Variants in PSMD14 observed in about 807,000 individuals in gnomAD.
PSMD14 encodes ubiquitin C-terminal hydrolase PSMD14.
PSMD14 carries 7 observed loss-of-function variants against 41.2 expected under a neutral mutation model. The observed-to-expected ratio is 0.17, with a 90% CI of 0.10 to 0.32. The LOEUF (loss-of-function observed/expected upper bound fraction) is 0.32, where lower values mean the gene tolerates loss of function less well. Among genes scored for constraint, PSMD14 ranks in the 10% least tolerant of loss-of-function variants. The probability of loss-of-function intolerance (pLI) is 1.00; values close to 1 mark genes in which losing one functional copy is unlikely to be tolerated. For synonymous variants in PSMD14, 114 were observed against 122.3 expected, an observed-to-expected ratio of 0.93 and a Z score of 0.45; for missense variants, 139 against 375.6, an observed-to-expected ratio of 0.37 and a Z score of 5.21.
chr2:161,399,877 A>C (rs1187122407), intron 10 of PSMD14, among the ~76,000 whole-genome samples: 1 of 152,204 alleles, frequency 6.6e-6, no homozygotes, highest in Admixed American at 6.5e-5. Flanking sequence ...ATAAAATTTC[A>C]CAAAAACATA....
chr2:161,398,599 AATG>A (rs1474837796), intron 10 of PSMD14, among the ~76,000 whole-genome samples: 2 of 152,000 alleles, frequency 1.3e-5, no homozygotes, highest in African/African-American at 4.8e-5. Context: ...CAGGTGAAAA[AATG>A]AATTGTGAAG....
chr2:161,395,017 T>C, intron 9 of PSMD14, 61 bp from the exon 10 acceptor site: 2 of 1,387,478 alleles, frequency 1.4e-6, no homozygotes, highest in Non-Finnish European at 1.9e-6. Context: ...TTTTTTTCTC[T>C]AGACAATGAA....
intron 3 of PSMD14, among the ~76,000 whole-genome samples, chr2:161,343,965 T>A (rs773737955): frequency 6.6e-6 from 1 of 152,230 alleles, no homozygotes; most frequent in African/African-American, 2.4e-5. Flanking sequence ...CTTTTTCTTG[T>A]CATTATTCCC....
chr2:161,334,357 T>C (rs1188242191), intron 3 of PSMD14, among the ~76,000 whole-genome samples: 1 of 152,166 alleles, frequency 6.6e-6, no homozygotes, highest in Non-Finnish European at 1.5e-5. Context: ...TTAAAAATTA[T>C]GTAATTTTTT....
At chr2:161,407,907 G>A (rs1367876857) in intron 10 of PSMD14, 1 of 151,794 alleles carries the variant, frequency 6.6e-6, no homozygotes, top group Non-Finnish European at 1.5e-5. Flanking sequence ...ACAGAGTCTT[G>A]TCTTCAGGCC....
At position 161,393,971 on chromosome 2, in the gene PSMD14, A is replaced by ATTT. The variant is rs11452254; in HGVS notation, c.646-1087_646-1085dup. ...TGCTGGTGTGATTGCACACTAGATA[A>ATTT]TTTTTTTTTTTTTTTTTTTTTTGGA... On this transcript the variant is annotated intron_variant, in intron 9 of 11. Coordinates refer to ENST00000409682, the MANE Select transcript of PSMD14 (RefSeq NM_005805.6). Among the ~76,000 whole-genome samples the ATTT allele has an allele frequency of 3.2e-3, 324 of 100,850 alleles. 4 individuals are homozygous for ATTT. Among genetic ancestry groups the ATTT allele is most frequent in the Non-Finnish European group, 4.6e-3 (244 of 53,494 alleles). 66.2% of individuals were successfully genotyped at this position (100,850 alleles called of 152,430 possible).
chr2:161,409,497 T>C (rs935639616), intron 11 of PSMD14: 3 of 152,310 alleles, frequency 2.0e-5, no homozygotes, highest in African/African-American at 7.2e-5. Context: ...ATGGTTATCA[T>C]ATTGCTGATG....
At chr2:161,365,910 C>A (rs538524857) in intron 3 of PSMD14, among the ~76,000 whole-genome samples, 4 of 152,208 alleles carry the variant, frequency 2.6e-5, no homozygotes, top group Admixed American at 6.5e-5. Context: ...TAACTGAAAC[C>A]TTATTATTAT....
At chr2:161,345,457 G>A (rs1341976865) in intron 3 of PSMD14, among the ~76,000 whole-genome samples, 2 of 151,702 alleles carry the variant, frequency 1.3e-5, no homozygotes, top group African/African-American at 4.8e-5. Context: ...TGCCCAGGCT[G>A]GTCTCAAACT....
At chr2:161,402,784 A>G (rs922483991) in intron 10 of PSMD14, among the ~76,000 whole-genome samples, 5 of 152,254 alleles carry the variant, frequency 3.3e-5, no homozygotes, top group African/African-American at 1.2e-4. Context: ...ACTTGGATAG[A>G]AATTTCCCAG....
chr2:161,351,875 T>C (rs1449803267), intron 3 of PSMD14, among the ~76,000 whole-genome samples: 4 of 152,158 alleles, frequency 2.6e-5, no homozygotes, highest in Admixed American at 2.0e-4. Flanking sequence ...GGGTCACATG[T>C]TCATACCTAA....
At chr2:161,370,076 A>C in intron 5 of PSMD14, 31 bp from the exon 6 acceptor site, 1 of 1,488,788 alleles carries the variant, frequency 6.7e-7, no homozygotes, top group Non-Finnish European at 9.0e-7. Flanking sequence ...AATTTACAAA[A>C]ATTAATAATT....
intron 6 of PSMD14, 41 bp from the exon 7 acceptor site, chr2:161,371,130 AC>A: frequency 6.3e-7 from 1 of 1,587,048 alleles, no homozygotes; most frequent in Non-Finnish European, 8.6e-7. Flanking sequence ...TAAATGTATT[AC>A]TTGTTCTGTT....
chr2:161,389,313 A>C (rs111794669), intron 8 of PSMD14, among the ~76,000 whole-genome samples: 2 of 152,094 alleles, frequency 1.3e-5, no homozygotes, highest in African/African-American at 4.8e-5. Flanking sequence ...CTCAAGCTCC[A>C]CTCTCTACGC....
At chr2:161,377,081 A>T (rs1184523163) in intron 7 of PSMD14, among the ~76,000 whole-genome samples, 1 of 151,902 alleles carries the variant, frequency 6.6e-6, no homozygotes, top group Non-Finnish European at 1.5e-5. Flanking sequence ...GTAAAATTAG[A>T]GCTAGAGTTC....
rs190616630 is a variant in PSMD14, at chr2:161,402,575, A to G, written c.772-6262A>G. On this transcript the variant is annotated intron_variant, in intron 10 of 11. Transcript: ENST00000409682. ...AGGATCACCGAGGCCCAGGAGGTCA[A>G]GGCTGCAATGAACCGTGATCATACC... Among the ~76,000 whole-genome samples the G allele has an allele frequency of 3.5e-3, 536 of 152,296 alleles. 1 individual carries two copies. Among genetic ancestry groups the G allele is most frequent in the African/African-American group, 0.012 (512 of 41,560 alleles).
intron 3 of PSMD14, among the ~76,000 whole-genome samples, chr2:161,329,768 C>T (rs779168545): frequency 1.2e-4 from 19 of 152,122 alleles, no homozygotes; most frequent in African/African-American, 1.2e-4. Flanking sequence ...TCATTCTATT[C>T]ATATACTCTG....
chr2:161,352,956 G>C (rs1683140944), intron 3 of PSMD14, among the ~76,000 whole-genome samples: 1 of 152,116 alleles, frequency 6.6e-6, no homozygotes, highest in Admixed American at 6.5e-5. Context: ...CAGTGATCCA[G>C]CTAATCCCAG....
At chr2:161,379,081 T>G (rs1164494547) in intron 7 of PSMD14, among the ~76,000 whole-genome samples, 1 of 152,064 alleles carries the variant, frequency 6.6e-6, no homozygotes, top group Non-Finnish European at 1.5e-5. Context: ...CTAACAAAGT[T>G]GAGCCCATCT....
Sources: gnomAD v4.1 joint callset for allele counts (sites outside exome capture counted in the v4.1 genomes callset) on GRCh38, gnomAD v4.1.1 for gene constraint, MANE v1.5 for transcripts, NCBI Gene and HGNC (gene_info 2026-07-23, HGNC 2026-07-21) for gene names.